KLHL32: variants seen among roughly 807,000 people sequenced by gnomAD.
The protein encoded by KLHL32 is kelch like family member 32.
KLHL32 carries 35 observed loss-of-function variants against 64.8 expected under a neutral mutation model. That is an observed-to-expected ratio of 0.54 (90% CI 0.41 to 0.72). The LOEUF (loss-of-function observed/expected upper bound fraction) is 0.72. Ranked by LOEUF, KLHL32 falls within the 30% of genes least tolerant of loss-of-function variation. The probability of loss-of-function intolerance (pLI) is 0.00; values close to 1 mark genes in which losing one functional copy is unlikely to be tolerated. For synonymous variants in KLHL32, 259 were observed against 281.0 expected, an observed-to-expected ratio of 0.92 and a Z score of 0.78; for missense variants, 589 against 768.5, an observed-to-expected ratio of 0.77 and a Z score of 2.76.
intron 3 of KLHL32, among the ~76,000 whole-genome samples, chr6:97,037,387 T>C (rs979117197): frequency 6.9e-6 from 1 of 145,068 alleles, no homozygotes; most frequent in African/African-American, 2.7e-5. Flanking sequence ...ATGTATAGAC[T>C]TGTGAGGATA....
At chr6:97,118,412 A>T (rs1018372443) in intron 7 of KLHL32, among the ~76,000 whole-genome samples, 2 of 152,102 alleles carry the variant, frequency 1.3e-5, no homozygotes, top group Admixed American at 6.5e-5. Flanking sequence ...TGAGATTAGG[A>T]GTTCGAGACC....
intron 3 of KLHL32, among the ~76,000 whole-genome samples, chr6:96,979,500 C>T (rs1776062156): frequency 6.6e-6 from 1 of 152,014 alleles, no homozygotes; most frequent in African/African-American, 2.4e-5. Flanking sequence ...TGTCTATGTG[C>T]CTGTTTTTAT....
chr6:96,998,862 A>G (rs545707027), intron 3 of KLHL32, among the ~76,000 whole-genome samples: 1 of 152,344 alleles, frequency 6.6e-6, no homozygotes, highest in Non-Finnish European at 1.5e-5. Flanking sequence ...TTACATGGTA[A>G]ACTGATCGTT....
At chr6:97,105,327 T>C (rs577741674) in intron 6 of KLHL32, 12 of 405,640 alleles carry the variant, frequency 3.0e-5, no homozygotes, top group African/African-American at 2.3e-4. Context: ...CTTTCCTGGC[T>C]TCCTACTTCT....
chr6:97,064,535 C>T, intron 4 of KLHL32, 93 bp from the exon 5 acceptor site: 1 of 827,264 alleles, frequency 1.2e-6, no homozygotes, highest in East Asian at 2.7e-5. Flanking sequence ...CGTAAAGCAG[C>T]AATTTAAATA....
the KLHL32 span, among the ~76,000 whole-genome samples, chr6:96,910,770 G>C: frequency 6.6e-6 from 1 of 151,958 alleles, no homozygotes; most frequent in Non-Finnish European, 1.5e-5. Context: ...TTTTAATCTG[G>C]ATTACCATGA....
rs111664041 is a variant in KLHL32 at position 97,120,673 on chromosome 6, C to T, written c.1354+6164C>T. Among the ~76,000 whole-genome samples the T allele has an allele frequency of 3.3e-3, 507 of 152,158 alleles. 3 individuals carry two copies. Among genetic ancestry groups the T allele is most frequent in the African/African-American group, 0.011 (476 of 41,526 alleles). On this transcript the variant is annotated intron_variant, in intron 7 of 10. Coordinates refer to ENST00000369261, the MANE Select transcript of KLHL32 (RefSeq NM_052904.4). ...GCTTGAGGGAGAAAAGTGTGTGTTG[C>T]GGGAGTAAGTAGTAAGAGAATGCCC...
intron 5 of KLHL32, among the ~76,000 whole-genome samples, chr6:97,067,539 C>T (rs1789989550): frequency 6.6e-6 from 1 of 152,080 alleles, no homozygotes; most frequent in African/African-American, 2.4e-5. Flanking sequence ...TCTGTGGTAA[C>T]CCATGGCCCC....
chr6:96,955,144 G>T (rs1008398363), intron 1 of KLHL32, among the ~76,000 whole-genome samples: 4 of 152,090 alleles, frequency 2.6e-5, no homozygotes, highest in Non-Finnish European at 4.4e-5. Context: ...CCTCCCAAAG[G>T]CTCCACCTCC....
chr6:97,078,429 A>G (rs1175732120), intron 5 of KLHL32, among the ~76,000 whole-genome samples: 1 of 152,208 alleles, frequency 6.6e-6, no homozygotes, highest in East Asian at 1.9e-4. Flanking sequence ...TTGGAAATGA[A>G]AGATTATAAT....
the KLHL32 span, among the ~76,000 whole-genome samples, chr6:96,905,533 T>G: frequency 6.6e-5 from 10 of 152,324 alleles, no homozygotes; most frequent in African/African-American, 1.9e-4. Context: ...ACTTCCTGAC[T>G]GCATAATTTT....
intron 4 of KLHL32, among the ~76,000 whole-genome samples, chr6:97,044,937 A>C (rs1351920611): frequency 6.6e-6 from 1 of 150,982 alleles, no homozygotes; most frequent in Non-Finnish European, 1.5e-5. Flanking sequence ...TGTTGATTTT[A>C]TCTTTTCAAA....
chr6:96,968,213 G>A (rs919074950), intron 2 of KLHL32, among the ~76,000 whole-genome samples: 5 of 152,056 alleles, frequency 3.3e-5, no homozygotes, highest in Non-Finnish European at 7.4e-5. Context: ...TCTCAATGGT[G>A]GATGGTTTTG....
intron 4 of KLHL32, among the ~76,000 whole-genome samples, chr6:97,053,305 G>A (rs1311763541): frequency 2.0e-5 from 3 of 152,164 alleles, no homozygotes; most frequent in Non-Finnish European, 4.4e-5. Context: ...GGATCTTAAT[G>A]TTAGTTGTAG....
At chr6:96,922,035 A>G (rs9481128), upstream of KLHL32, among the ~76,000 whole-genome samples, 4 of 152,228 alleles carry the variant, frequency 2.6e-5, no homozygotes, top group Admixed American at 6.5e-5. Context: ...TCAGTCTTTA[A>G]TATACCAATG....
chr6:97,055,858 C>T (rs12206420), intron 4 of KLHL32, among the ~76,000 whole-genome samples: 21,616 of 144,732 alleles, frequency 0.15, 1,719 homozygotes, highest in African/African-American at 0.2. Context: ...TGAGCTACCA[C>T]TTATTTCTCT....
At chr6:97,063,038 T>C (rs1195091065) in intron 4 of KLHL32, among the ~76,000 whole-genome samples, 1 of 152,228 alleles carries the variant, frequency 6.6e-6, no homozygotes, top group African/African-American at 2.4e-5. Context: ...TTTTGGATTT[T>C]ATTTTCATGG....
At chr6:96,959,722 G>A (rs988164687) in intron 1 of KLHL32, among the ~76,000 whole-genome samples, 1 of 152,140 alleles carries the variant, frequency 6.6e-6, no homozygotes, top group Non-Finnish European at 1.5e-5. Flanking sequence ...ACTAGCATGC[G>A]GTGGTTGCAG....
chr6:96,964,375 C>T (rs1171655228), intron 1 of KLHL32, among the ~76,000 whole-genome samples: 1 of 152,220 alleles, frequency 6.6e-6, no homozygotes, highest in Admixed American at 6.5e-5. Flanking sequence ...AATATATGGT[C>T]GGGCGCAGTG....
Sources: allele counts gnomAD v4.1 joint callset (sites outside exome capture counted in the v4.1 genomes callset), GRCh38; gene constraint gnomAD v4.1.1; transcripts MANE v1.5; gene names NCBI Gene and HGNC (gene_info 2026-07-23, HGNC 2026-07-21).